The following LEPR variants were observed in gnomAD, a reference collection of about 807,000 sequenced individuals.
LEPR encodes the protein OB receptor.
A neutral mutation model predicts 114.7 loss-of-function variants in LEPR; 56 were observed. The ratio of observed to expected loss-of-function variants is 0.49; its 90% CI spans 0.39 to 0.61. LEPR has a LOEUF of 0.61. Ranked by LOEUF, LEPR falls within the 20% of genes least tolerant of loss-of-function variation. The pLI is 0.00. For synonymous variants in LEPR, 443 were observed against 461.4 expected (o/e 0.96, Z 0.51); for missense variants, 1,202 against 1,352.9 (o/e 0.89, Z 1.75).
At chr1:65,629,151 T>C (rs1658385515) in intron 19 of LEPR, among the ~76,000 whole-genome samples, 1 of 152,156 alleles carries the variant, frequency 6.6e-6, no homozygotes, top group Non-Finnish European at 1.5e-5. Flanking sequence ...AAGTAATCAT[T>C]TCTCCAACCT....
chr1:65,606,878 T>A (rs2100956010), intron 11 of LEPR, among the ~76,000 whole-genome samples: 1 of 152,292 alleles, frequency 6.6e-6, no homozygotes, highest in East Asian at 1.9e-4. Flanking sequence ...GTTTAGGTAT[T>A]TTTGTTATCA....
At chr1:65,623,117 A>G (rs1657983905) in intron 19 of LEPR, 136 bp downstream of exon 19, 5 of 865,584 alleles carry the variant, frequency 5.8e-6, no homozygotes, top group African/African-American at 1.7e-5. Context: ...ATCTGTTATT[A>G]TATACTTTCA....
At chr1:65,450,148 T>G (rs1451500356) in intron 2 of LEPR, among the ~76,000 whole-genome samples, 1 of 152,208 alleles carries the variant, frequency 6.6e-6, no homozygotes, top group Non-Finnish European at 1.5e-5. Flanking sequence ...AAGGTGTGTT[T>G]TATGGCCCAG....
At chr1:65,549,917 C>T (rs953770695) in intron 2 of LEPR, among the ~76,000 whole-genome samples, 2 of 152,170 alleles carry the variant, frequency 1.3e-5, no homozygotes, top group East Asian at 3.9e-4. Context: ...AGTTTTTCTG[C>T]TCTGTTTTTT....
rs182861893 is a variant in LEPR, at chr1:65,471,831, T to C, written c.-21+46453T>C. ...TACAGAATAATTTGACTTTAATAAATTTCAAATGGTAAAAATTTTCCAAAG... is the reference window on the plus strand; with the variant it reads ...TACAGAATAATTTGACTTTAATAAACTTCAAATGGTAAAAATTTTCCAAAG... On this transcript the variant is annotated intron_variant, in intron 2 of 19. Coordinates refer to ENST00000349533, the MANE Select transcript of LEPR (RefSeq NM_002303.6). Among the ~76,000 whole-genome samples, 7 of 152,274 alleles carry C rather than the reference T, an allele frequency of 4.6e-5. No homozygotes were observed. The East Asian group carries it at 1.4e-3, about 29-fold the overall frequency.
At chr1:65,428,351 A>G (rs539313505) in intron 2 of LEPR, among the ~76,000 whole-genome samples, 1 of 152,238 alleles carries the variant, frequency 6.6e-6, no homozygotes, top group Admixed American at 6.5e-5. Flanking sequence ...TTGGCTGTGG[A>G]TATGTAAGGT....
chr1:65,634,416 A>G, intron 19 of LEPR: 1 of 970,956 alleles, frequency 1.0e-6, no homozygotes, highest in Non-Finnish European at 1.2e-6. Context: ...ACACATATTT[A>G]ATATGTGCCC....
chr1:65,513,697 C>T (rs1344729012), intron 2 of LEPR, among the ~76,000 whole-genome samples: 1 of 152,160 alleles, frequency 6.6e-6, no homozygotes, highest in African/African-American at 2.4e-5. Context: ...TGGCCAATTT[C>T]CTTTCAGGTT....
chr1:65,631,434 G>A (rs1431091520), intron 19 of LEPR, among the ~76,000 whole-genome samples: 2 of 152,136 alleles, frequency 1.3e-5, no homozygotes, highest in Admixed American at 6.5e-5. Flanking sequence ...GATATATTCT[G>A]GTCTTCAGCT....
At chr1:65,629,393 A>T (rs751272857) in intron 19 of LEPR, 90 of 442,058 alleles carry the variant, frequency 2.0e-4, no homozygotes, top group Non-Finnish European at 3.4e-4. Context: ...AAAATAGAAA[A>T]ACTAATAAAC....
chr1:65,459,542 C>T (rs1156711188), intron 2 of LEPR, among the ~76,000 whole-genome samples: 1 of 152,142 alleles, frequency 6.6e-6, no homozygotes, highest in Non-Finnish European at 1.5e-5. Flanking sequence ...AAGTGGAGCT[C>T]CTTCTTCCCT....
chr1:65,615,979 A>G, intron 14 of LEPR, 29 bp from the exon 15 acceptor site: 1 of 1,613,674 alleles, frequency 6.2e-7, no homozygotes, highest in African/African-American at 1.3e-5. Context: ...TGCAGCCCTT[A>G]AACTAATCAA....
At chr1:65,434,413 T>G in intron 2 of LEPR, 1 of 985,408 alleles carries the variant, frequency 1.0e-6, no homozygotes, top group Non-Finnish European at 1.2e-6. Context: ...TGGCCACAAG[T>G]AAATAATCTT....
chr1:65,456,029 G>T (rs1366712876), intron 2 of LEPR, among the ~76,000 whole-genome samples: 3 of 152,112 alleles, frequency 2.0e-5, no homozygotes, highest in African/African-American at 7.2e-5. Context: ...TATTCGGGTG[G>T]GAGTGACCCG....
chr1:65,582,155 T>C (rs771089355), intron 5 of LEPR, among the ~76,000 whole-genome samples: 1 of 152,222 alleles, frequency 6.6e-6, no homozygotes, highest in Non-Finnish European at 1.5e-5. Context: ...AGTGATCTAA[T>C]GTCATATAAT....
At chr1:65,479,227 T>C (rs1233722579) in intron 2 of LEPR, among the ~76,000 whole-genome samples, 1 of 151,994 alleles carries the variant, frequency 6.6e-6, no homozygotes, top group African/African-American at 2.4e-5. Context: ...TTGGAGGAGA[T>C]AGAAATGCAC....
At chr1:65,478,403 G>A (rs1359818167) in intron 2 of LEPR, among the ~76,000 whole-genome samples, 5 of 152,192 alleles carry the variant, frequency 3.3e-5, no homozygotes, top group African/African-American at 4.8e-5. Context: ...AATTATGGTA[G>A]GTAGAAAGAG....
At chr1:65,473,941 A>G (rs553409132) in intron 2 of LEPR, among the ~76,000 whole-genome samples, 1 of 152,346 alleles carries the variant, frequency 6.6e-6, no homozygotes, top group East Asian at 1.9e-4. Flanking sequence ...AGTTTCAGCC[A>G]GGATCTTGGT....
chr1:65,428,731 T>C (rs1192522981), intron 2 of LEPR, among the ~76,000 whole-genome samples: 1 of 152,162 alleles, frequency 6.6e-6, no homozygotes, highest in African/African-American at 2.4e-5. Flanking sequence ...GCAGAGACTT[T>C]TTTTTTCTTA....
Sources: gnomAD v4.1 joint callset for allele counts (sites outside exome capture counted in the v4.1 genomes callset) on GRCh38, gnomAD v4.1.1 for gene constraint, MANE v1.5 for transcripts, NCBI Gene and HGNC (gene_info 2026-07-23, HGNC 2026-07-21) for gene names.